BMPR1B: variants seen among roughly 807,000 people sequenced by gnomAD.
BMPR1B encodes bone morphogenetic protein receptor type-1B.
BMPR1B carries 12 observed loss-of-function variants against 59.1 expected under a neutral mutation model. The observed-to-expected ratio is 0.20, with a 90% confidence interval of 0.13 to 0.33. The LOEUF (loss-of-function observed/expected upper bound fraction) is 0.33, where lower values mean the gene tolerates loss of function less well. Ranked by LOEUF, BMPR1B falls within the 10% of genes least tolerant of loss-of-function variation. BMPR1B has a pLI of 1.00. For missense variants in BMPR1B, 550 were observed against 610.9 expected (o/e 0.90, Z 1.05); for synonymous variants, 237 against 207.3 (o/e 1.14, Z -1.23).
At position 95,043,860 on chromosome 4, in the gene BMPR1B, A is replaced by G. The variant is rs551884669; in HGVS notation, c.-18+47726A>G. 8.7e-4 allele frequency among the ~76,000 whole-genome samples: 133 copies of G among 152,322 alleles called. 1 individual carries two copies. Among genetic ancestry groups the G allele is most frequent in the Non-Finnish European group, 7.8e-4 (53 of 68,018 alleles). ...CAGAAGATATCATCATATCTACACT[A>G]TAATATTGGAGCTCTTGCTAGTAAT... On this transcript the variant is annotated intron_variant, in intron 3 of 12. Coordinates refer to ENST00000515059, the MANE Select transcript of BMPR1B (RefSeq NM_001203.3).
intron 3 of BMPR1B, chr4:95,091,374 T>C: frequency 6.3e-6 from 5 of 799,562 alleles, no homozygotes; most frequent in Non-Finnish European, 7.6e-6. Context: ...ACATAGCTCA[T>C]TGCTTGACCG....
chr4:95,013,191 C>T (rs1014500394), intron 3 of BMPR1B, among the ~76,000 whole-genome samples: 11 of 151,490 alleles, frequency 7.3e-5, no homozygotes, highest in Non-Finnish European at 1.5e-4. Flanking sequence ...TCAAAAGTCC[C>T]ACCAACAATG....
chr4:95,125,232 T>C (rs1732823633), intron 8 of BMPR1B, 111 bp downstream of exon 8: 1 of 1,379,592 alleles, frequency 7.2e-7, no homozygotes, highest in Non-Finnish European at 1.0e-6. Flanking sequence ...GAAAGCTCTA[T>C]GCAGTCTGTT....
At chr4:94,991,260 C>T (rs1166520739) in intron 2 of BMPR1B, among the ~76,000 whole-genome samples, 3 of 152,144 alleles carry the variant, frequency 2.0e-5, no homozygotes, top group South Asian at 4.1e-4. Context: ...TTTTTGTTTA[C>T]TTCTCATTGT....
chr4:94,992,873 G>A (rs1029787727), intron 2 of BMPR1B, among the ~76,000 whole-genome samples: 21 of 137,506 alleles, frequency 1.5e-4, no homozygotes, highest in African/African-American at 5.5e-4. Context: ...GAATCATAAA[G>A]TATGTAATCT....
chr4:94,761,418 TGTG>T (rs1238113294), intron 1 of BMPR1B, among the ~76,000 whole-genome samples: 2 of 20,278 alleles, frequency 9.9e-5, no homozygotes, highest in African/African-American at 6.4e-4. Flanking sequence ...TATAATTCTG[TGTG>T]TGTGTGTGTG....
At chr4:95,026,447 T>G (rs751410300) in intron 3 of BMPR1B, among the ~76,000 whole-genome samples, 10 of 152,110 alleles carry the variant, frequency 6.6e-5, no homozygotes, top group Non-Finnish European at 1.3e-4. Context: ...GATTATTTTA[T>G]ATTATACATT....
chr4:94,828,598 G>C (rs911761983), intron 1 of BMPR1B, among the ~76,000 whole-genome samples: 3 of 152,072 alleles, frequency 2.0e-5, no homozygotes, highest in Non-Finnish European at 4.4e-5. Context: ...AATGTTAAGA[G>C]GGCATATAGA....
intron 3 of BMPR1B, among the ~76,000 whole-genome samples, chr4:95,096,079 GTATA>G (rs1321194861): frequency 6.7e-6 from 1 of 150,004 alleles, no homozygotes; most frequent in African/African-American, 2.4e-5. Context: ...ACGTATATGA[GTATA>G]TAATAATATA....
intron 3 of BMPR1B, among the ~76,000 whole-genome samples, chr4:95,039,400 A>T (rs75153993): frequency 0.019 from 2,763 of 147,638 alleles, 86 homozygotes; most frequent in African/African-American, 0.063. Flanking sequence ...AAGTTTGTAC[A>T]TGGGGTTCAT....
In BMPR1B at chr4:94,863,388, C is replaced by G. The variant is rs188329153; in HGVS notation, c.-182-12443C>G. ...ATAGTGCTTCTGGCCATTTCACCAG[C>G]CTGGAAATGGTTCTTGAGTATATCA... On this transcript the variant is annotated intron_variant, in intron 1 of 12. Coordinates refer to ENST00000515059, the MANE Select transcript of BMPR1B (RefSeq NM_001203.3). Among the ~76,000 whole-genome samples the G allele has an allele frequency of 8.5e-5, 13 of 152,250 alleles. No homozygotes were observed. In the East Asian group the frequency reaches 1.5e-3, roughly 18 times the overall value.
intron 2 of BMPR1B, among the ~76,000 whole-genome samples, chr4:94,879,107 C>T (rs929747527): frequency 2.0e-5 from 3 of 152,068 alleles, no homozygotes; most frequent in African/African-American, 7.2e-5. Context: ...CCCATTAACT[C>T]GTCATTTAGC....
At chr4:95,032,152 C>G (rs1724912850) in intron 3 of BMPR1B, among the ~76,000 whole-genome samples, 1 of 152,054 alleles carries the variant, frequency 6.6e-6, no homozygotes, top group Non-Finnish European at 1.5e-5. Flanking sequence ...CTGGGAAATG[C>G]AAGATCAAGG....
intron 1 of BMPR1B, among the ~76,000 whole-genome samples, chr4:94,796,539 T>G (rs1723202089): frequency 6.9e-6 from 1 of 145,114 alleles, no homozygotes; most frequent in African/African-American, 2.6e-5. Context: ...GGTTCTTAAT[T>G]TTTTTTTTTT....
intron 1 of BMPR1B, among the ~76,000 whole-genome samples, chr4:94,846,190 G>T (rs1289411094): frequency 6.6e-6 from 1 of 152,134 alleles, no homozygotes; most frequent in African/African-American, 2.4e-5. Flanking sequence ...TTTGACAGGG[G>T]TGCCAAGAAC....
chr4:95,142,144 A>G (rs1158805978), intron 10 of BMPR1B, among the ~76,000 whole-genome samples: 5 of 152,200 alleles, frequency 3.3e-5, no homozygotes, highest in Non-Finnish European at 7.3e-5. Flanking sequence ...TTATCATAGC[A>G]GCATTGAATG....
chr4:95,115,678 AT>A lies in BMPR1B; in HGVS notation c.247-5del, dbSNP rs1349290932. ...ACTCACTAATAGCTGTTTGGGTTCGATTATAGGACACTCCCATTCCTCATCA... is the reference window on the plus strand; with the variant it reads ...ACTCACTAATAGCTGTTTGGGTTCGATATAGGACACTCCCATTCCTCATCA... On this transcript the variant is annotated splice_region_variant and splice_polypyrimidine_tract_variant and intron_variant, in intron 5 of 12. Transcript: ENST00000515059. 1.2e-6 allele frequency: 2 copies of A among 1,610,958 alleles called. No individual in the cohort carries two copies. The highest frequency in any genetic ancestry group is 1.1e-5 in the South Asian group (1 of 91,008).
intron 2 of BMPR1B, among the ~76,000 whole-genome samples, chr4:94,972,146 G>T (rs373948286): frequency 1.3e-5 from 2 of 151,424 alleles, no homozygotes; most frequent in African/African-American, 4.8e-5. Flanking sequence ...TAAATGATGC[G>T]GTAAAGGAAA....
intron 1 of BMPR1B, among the ~76,000 whole-genome samples, chr4:94,778,271 A>C (rs1249340432): frequency 6.6e-6 from 1 of 152,140 alleles, no homozygotes; most frequent in Non-Finnish European, 1.5e-5. Context: ...TTTTTAAAAA[A>C]TAATTTTATC....
Sources: gnomAD v4.1 joint callset for allele counts (sites outside exome capture counted in the v4.1 genomes callset) on GRCh38, gnomAD v4.1.1 for gene constraint, MANE v1.5 for transcripts, NCBI Gene and HGNC (gene_info 2026-07-23, HGNC 2026-07-21) for gene names.